The following HHIPL1 variants were observed in gnomAD, a reference collection of about 807,000 sequenced individuals.
HHIPL1 encodes HHIP-like protein 1.
HHIPL1 carries 43 observed loss-of-function variants against 61.8 expected under a neutral mutation model. The observed-to-expected ratio is 0.70, with a 90% confidence interval of 0.55 to 0.90. The LOEUF is 0.90. Among genes scored for constraint, HHIPL1 ranks in the 40% least tolerant of loss-of-function variants. HHIPL1 has a pLI of 0.00. For synonymous variants in HHIPL1, 482 were observed against 515.8 expected (o/e 0.93, Z 0.89); for missense variants, 1,056 against 1,157.7 (o/e 0.91, Z 1.28).
upstream of HHIPL1, among the ~76,000 whole-genome samples, chr14:99,643,244 T>C (rs1595141980): frequency 6.6e-6 from 1 of 151,900 alleles, no homozygotes; most frequent in Admixed American, 6.5e-5. Flanking sequence ...TTCACCATGT[T>C]GACCAGGCTG....
At chr14:99,674,962 A>G (rs965977128) in intron 8 of HHIPL1, 129 bp from the exon 9 acceptor site, 26 of 373,924 alleles carry the variant, frequency 7.0e-5, no homozygotes, top group Middle Eastern at 1.4e-3. Context: ...GTGTGAGTGC[A>G]GGACAGACCC....
the HHIPL1 span, among the ~76,000 whole-genome samples, chr14:99,617,875 T>C: frequency 1.3e-5 from 2 of 152,130 alleles, no homozygotes; most frequent in Admixed American, 1.3e-4. Context: ...GCCTGCAAGG[T>C]GGGCAGGGAT....
chr14:99,655,254 G>A (rs769068828), intron 2 of HHIPL1, among the ~76,000 whole-genome samples: 1 of 152,182 alleles, frequency 6.6e-6, no homozygotes, highest in South Asian at 2.1e-4. Flanking sequence ...TCCAGTCTTG[G>A]CTCTGAAAAA....
At chr14:99,645,679 G>T (rs955869045) in intron 1 of HHIPL1, among the ~76,000 whole-genome samples, 28 of 152,200 alleles carry the variant, frequency 1.8e-4, no homozygotes, top group African/African-American at 6.5e-4. Flanking sequence ...GGGCCTTCTC[G>T]GGGCCTCAGT....
At chr14:99,641,335 GT>G (rs1351549391), upstream of HHIPL1, among the ~76,000 whole-genome samples, 1 of 151,376 alleles carries the variant, frequency 6.6e-6, no homozygotes, top group African/African-American at 2.4e-5. Flanking sequence ...AGGTTGATGG[GT>G]TTTTTATTTC....
rs201754906 is a variant in HHIPL1, at chr14:99,659,547, A to C, written c.1166A>C (p.Tyr389Ser). The C allele has an allele frequency of 1.0e-5, 16 of 1,547,998 alleles. No individual in the cohort carries two copies. The East Asian group carries it at 3.9e-4, about 38-fold the overall frequency. ...GACCCCGCGGCGCAGCCCGAGGTCT[A>C]CGCCCTGGGCGTGCGCAACATGTGG... is the stretch of plus-strand genomic sequence containing the variant. ...VGDPAAQPEVYALGVRNMWRC... is the reference protein window; with the variant it reads ...VGDPAAQPEVSALGVRNMWRC... The change falls in exon 4 of 9, where the codon TAC becomes TCC. Residue 389 changes from tyrosine to serine, a missense_variant. Tyr to Ser is a moderately radical substitution (Grantham distance 144, BLOSUM62 -2). Transcript: ENST00000330710.
the HHIPL1 span, among the ~76,000 whole-genome samples, chr14:99,607,379 C>T: frequency 5.5e-4 from 84 of 152,188 alleles, no homozygotes; most frequent in African/African-American, 1.9e-3. Context: ...GGTGCACTAA[C>T]AGTCATACTG....
upstream of HHIPL1, among the ~76,000 whole-genome samples, chr14:99,644,504 G>A (rs1400244859): frequency 6.6e-6 from 1 of 152,080 alleles, no homozygotes; most frequent in Non-Finnish European, 1.5e-5. Flanking sequence ...TCCAGCGGGG[G>A]CAGCGGAACA....
chr14:99,647,412 TG>T (rs1383730727), intron 1 of HHIPL1, among the ~76,000 whole-genome samples: 1 of 152,194 alleles, frequency 6.6e-6, no homozygotes, highest in African/African-American at 2.4e-5. Context: ...ATTGAGCACT[TG>T]CTATGTGCCA....
rs951746988 is a variant in HHIPL1 at position 99,677,157 on chromosome 14, C to T, written c.*1531C>T. 6.6e-6 allele frequency: 1 copy of T among 152,272 alleles called. No individual in the cohort carries two copies. The highest frequency in any genetic ancestry group is 1.5e-5 in the Non-Finnish European group (1 of 68,108). The allele number at this position is 152,272 out of a possible 1,614,324, so 9.4% of individuals were successfully genotyped here. A position where few individuals can be genotyped will look rare whatever the true frequency, so the allele number is the denominator to read the frequency against. ...AGCTTTAGGTCACTGTCTTGGACTC[C>T]TCATACTCTGTGCTTTACAGAATGG... On this transcript the variant is annotated 3_prime_UTR_variant, in exon 9 of 9. Transcript: ENST00000330710. The surrounding 1 kb of genome is among the most constrained non-coding windows in gnomAD (Gnocchi z 4.3).
the HHIPL1 span, among the ~76,000 whole-genome samples, chr14:99,621,997 A>G: frequency 4.8e-3 from 728 of 152,112 alleles, 5 homozygotes; most frequent in African/African-American, 0.015. Context: ...TTACAGGCAT[A>G]AGCCACCGCG....
chr14:99,617,341 G>A, the HHIPL1 span, among the ~76,000 whole-genome samples: 2 of 152,294 alleles, frequency 1.3e-5, no homozygotes, highest in East Asian at 3.9e-4. Context: ...GAGGCTGAGG[G>A]AGGGGAGGCG....
In HHIPL1 at chr14:99,676,239, AG is replaced by A. The variant is rs2056391171; in HGVS notation, c.*617del. On this transcript the variant is annotated 3_prime_UTR_variant, in exon 9 of 9. Transcript: ENST00000330710. Reference sequence around the variant, plus strand: ...AGCTGCAGGCCTGGGGCCCCACTGGAGGGGCAGGCTGCGTGGAGGAGCCAGC... The same window carrying A: ...AGCTGCAGGCCTGGGGCCCCACTGGAGGGCAGGCTGCGTGGAGGAGCCAGC... 6.5e-6 allele frequency: 1 copy of A among 152,680 alleles called. No individual in the cohort carries two copies. The highest frequency in any genetic ancestry group is 1.5e-5 in the Non-Finnish European group (1 of 68,544). 9.5% of individuals were successfully genotyped at this position (152,680 alleles called of 1,614,324 possible). A position where few individuals can be genotyped will look rare whatever the true frequency, so the allele number is the denominator to read the frequency against.
intron 3 of HHIPL1, among the ~76,000 whole-genome samples, chr14:99,657,990 G>A (rs1248906310): frequency 6.6e-6 from 1 of 152,048 alleles, no homozygotes; most frequent in African/African-American, 2.4e-5. Context: ...CACAGTCTTG[G>A]GAGTGTAAAC....
chr14:99,607,774 G>A, the HHIPL1 span, among the ~76,000 whole-genome samples: 1 of 4,612 alleles, frequency 2.2e-4, no homozygotes, highest in Non-Finnish European at 0.026. Flanking sequence ...GACAGATTGA[G>A]TCTGAGGCTT....
At chr14:99,666,510 C>A (rs2140087326) in intron 6 of HHIPL1, among the ~76,000 whole-genome samples, 1 of 152,288 alleles carries the variant, frequency 6.6e-6, no homozygotes, top group South Asian at 2.1e-4. Context: ...CTATGAACGC[C>A]TGGTTATGGA....
intron 3 of HHIPL1, among the ~76,000 whole-genome samples, chr14:99,657,832 CAT>C (rs1451688535): frequency 1.3e-5 from 2 of 152,110 alleles, no homozygotes; most frequent in Middle Eastern, 3.4e-3. Context: ...CACACATTCA[CAT>C]ATGCACATAC....
intron 3 of HHIPL1, among the ~76,000 whole-genome samples, chr14:99,657,740 TACAC>T (rs1029249692): frequency 4.0e-5 from 6 of 150,234 alleles, no homozygotes; most frequent in South Asian, 2.1e-4. Flanking sequence ...TATACACACA[TACAC>T]ACACAAACAC....
chr14:99,645,343 G>C lies in HHIPL1; in HGVS notation c.136G>C (p.Gly46Arg), dbSNP rs776174059. ...LRLCAQYSDF[G>R]CCDEGRDAEL... Reference sequence around the variant, plus strand: ...CCTCTGCGCGCAGTACTCGGACTTCGGCTGCTGCGATGAGGGGCGCGACGC... The same window carrying C: ...CCTCTGCGCGCAGTACTCGGACTTCCGCTGCTGCGATGAGGGGCGCGACGC... Residue 46 changes from glycine to arginine, a missense_variant, in exon 1 of 9, where the codon GGC becomes CGC. Coordinates refer to ENST00000330710, the MANE Select transcript of HHIPL1 (RefSeq NM_001127258.3). The C allele has an allele frequency of 3.4e-6, 5 of 1,454,290 alleles. No individual in the cohort carries two copies. Among genetic ancestry groups the C allele is most frequent in the South Asian group, 1.3e-5 (1 of 74,668 alleles). 90.1% of individuals were successfully genotyped at this position (1,454,290 alleles called of 1,614,324 possible).
Sources: gnomAD v4.1 joint callset for allele counts (sites outside exome capture counted in the v4.1 genomes callset) on GRCh38, gnomAD v4.1.1 for gene constraint, Gnocchi (gnomAD v3.1) non-coding constraint, MANE v1.5 for transcripts, NCBI Gene and HGNC (gene_info 2026-07-23, HGNC 2026-07-21) for gene names.